The following PROS1 variants were observed in gnomAD, a reference collection of about 807,000 sequenced individuals.
The protein encoded by PROS1 is protein S, also known as vitamin K-dependent protein S.
In PROS1, 29 loss-of-function variants were observed where a neutral mutation model predicts 75.9. That is an observed-to-expected ratio of 0.38 (90% CI 0.28 to 0.52). The LOEUF (loss-of-function observed/expected upper bound fraction) is 0.52, where lower values mean the gene tolerates loss of function less well. Among genes scored for constraint, PROS1 ranks in the 20% least tolerant of loss-of-function variants. The pLI is 0.83. For synonymous variants in PROS1, 245 were observed against 280.6 expected (o/e 0.87, Z 1.27); for missense variants, 680 against 810.3 (o/e 0.84, Z 1.95).
At chr3:93,912,726 G>A (rs111257397) in intron 3 of PROS1, among the ~76,000 whole-genome samples, 57 of 152,272 alleles carry the variant, frequency 3.7e-4, no homozygotes, top group African/African-American at 1.4e-3. Flanking sequence ...CCATCCCACA[G>A]CAGATGGCAA....
intron 4 of PROS1, among the ~76,000 whole-genome samples, chr3:93,906,746 C>T (rs1343038544): frequency 6.6e-6 from 1 of 152,198 alleles, no homozygotes; most frequent in Non-Finnish European, 1.5e-5. Context: ...CCATTCTGCC[C>T]ACCACAGGCT....
intron 1 of PROS1, among the ~76,000 whole-genome samples, chr3:93,964,442 A>G (rs1283745490): frequency 6.6e-6 from 1 of 152,116 alleles, no homozygotes; most frequent in Non-Finnish European, 1.5e-5. Flanking sequence ...TGCGGTTGAG[A>G]TAAGGACTGA....
intron 9 of PROS1, among the ~76,000 whole-genome samples, chr3:93,893,474 C>T (rs1160870012): frequency 6.6e-6 from 1 of 152,078 alleles, no homozygotes; most frequent in African/African-American, 2.4e-5. Flanking sequence ...CTATATCTCT[C>T]CTGGAGCCTT....
chr3:93,973,726 GC>G lies in PROS1; in HGVS notation c.23del (p.Cys8SerfsTer10), dbSNP rs764581697. The G allele has an allele frequency of 1.2e-6, 2 of 1,613,708 alleles. No individual in the cohort carries two copies. The highest frequency in any genetic ancestry group is 8.5e-7 in the Non-Finnish European group (1 of 1,179,816). On this transcript the variant is annotated frameshift_variant, in exon 1 of 15. Transcript: ENST00000394236. LOFTEE classifies it high-confidence loss of function. MRVLGGRCGALLACLLLV... is the reference protein window; with the variant it reads MRVLGGRXGALLACLLLV... ...GGAGGAGACACGCCAGCAGCGCCCC[GC>G]AGCGCCCACCCAGGACCCTCATTTC... is the stretch of plus-strand genomic sequence containing the variant.
intron 1 of PROS1, among the ~76,000 whole-genome samples, chr3:93,963,738 C>G (rs1251884747): frequency 6.6e-6 from 1 of 152,058 alleles, no homozygotes; most frequent in Non-Finnish European, 1.5e-5. Flanking sequence ...CCAGATCTCA[C>G]GTGAACCTCT....
chr3:93,928,879 A>G, intron 1 of PROS1: 1 of 498,396 alleles, frequency 2.0e-6, no homozygotes. Flanking sequence ...AAGTGTTCAA[A>G]TCAAACTATT....
At chr3:93,934,854 T>C (rs977403731) in intron 1 of PROS1, among the ~76,000 whole-genome samples, 3 of 152,024 alleles carry the variant, frequency 2.0e-5, no homozygotes, top group African/African-American at 7.2e-5. Flanking sequence ...ATGCCTGAAC[T>C]GTTTAACAAC....
chr3:93,874,831 C>A (rs1338734550), intron 14 of PROS1, among the ~76,000 whole-genome samples: 3 of 152,066 alleles, frequency 2.0e-5, no homozygotes, highest in Admixed American at 1.3e-4. Flanking sequence ...ATCAATATAT[C>A]TCTTTTATTA....
At chr3:93,918,356 G>A (rs1708891340) in intron 3 of PROS1, among the ~76,000 whole-genome samples, 2 of 152,042 alleles carry the variant, frequency 1.3e-5, no homozygotes, top group Admixed American at 6.6e-5. Context: ...GGCTGCCCGA[G>A]CCAGCAGTGG....
chr3:93,921,980 T>C lies in PROS1; in HGVS notation c.259+2260A>G, dbSNP rs35605289. ...TTTGTTTTCTCAATTGGAAAGTTCA[T>C]GTCATTTTTTAAATTATCAAATCTG... On this transcript the variant is annotated intron_variant, in intron 3 of 14. Coordinates refer to ENST00000394236, the MANE Select transcript of PROS1 (RefSeq NM_000313.4). 5.1e-3 allele frequency among the ~76,000 whole-genome samples: 780 copies of C among 152,356 alleles called. 4 individuals carry two copies. The highest frequency in any genetic ancestry group is 9.5e-3 in the Non-Finnish European group (645 of 68,032).
intron 4 of PROS1, among the ~76,000 whole-genome samples, chr3:93,909,025 T>C (rs1346077127): frequency 6.6e-6 from 1 of 152,126 alleles, no homozygotes; most frequent in Non-Finnish European, 1.5e-5. Context: ...TGTTCAAAGT[T>C]AATGGATGGA....
intron 6 of PROS1, among the ~76,000 whole-genome samples, chr3:93,901,780 T>C (rs1708598540): frequency 6.6e-6 from 1 of 152,204 alleles, no homozygotes; most frequent in Non-Finnish European, 1.5e-5. Context: ...GACTGTATCA[T>C]TGTCAATGTC....
At chr3:93,953,449 C>T (rs1300148195) in intron 1 of PROS1, among the ~76,000 whole-genome samples, 1 of 152,120 alleles carries the variant, frequency 6.6e-6, no homozygotes, top group Non-Finnish European at 1.5e-5. Flanking sequence ...AAATGTAATC[C>T]AGCATATAAA....
chr3:93,946,501 A>T (rs1369940258), intron 1 of PROS1, among the ~76,000 whole-genome samples: 1 of 152,126 alleles, frequency 6.6e-6, no homozygotes, highest in Non-Finnish European at 1.5e-5. Flanking sequence ...AAATAATACC[A>T]CACATCTACA....
At chr3:93,964,870 AT>A (rs1160415229) in intron 1 of PROS1, among the ~76,000 whole-genome samples, 1 of 152,106 alleles carries the variant, frequency 6.6e-6, no homozygotes, top group Admixed American at 6.6e-5. Flanking sequence ...GCCAACACTT[AT>A]GGAAAATAGA....
rs189539975 is a variant in PROS1, at chr3:93,935,050, G to A, written c.77-7643C>T. On this transcript the variant is annotated intron_variant, in intron 1 of 14. Transcript: ENST00000394236. ...CTCCAAACAGCAAATATCTTTACTC[G>A]AATGATAGAATACACGGCTTTATTA... Among the ~76,000 whole-genome samples the A allele has an allele frequency of 2.8e-4, 42 of 152,080 alleles. 2 individuals are homozygous for A. The highest frequency in any genetic ancestry group is 2.3e-3 in the Admixed American group (35 of 15,272).
chr3:93,931,811 C>CA (rs1408195524), intron 1 of PROS1, among the ~76,000 whole-genome samples: 2 of 152,210 alleles, frequency 1.3e-5, no homozygotes, highest in African/African-American at 2.4e-5. Flanking sequence ...TTTGGTCTCC[C>CA]ATGACTCCCG....
At chr3:93,944,981 G>C (rs568703702) in intron 1 of PROS1, among the ~76,000 whole-genome samples, 1 of 151,658 alleles carries the variant, frequency 6.6e-6, no homozygotes, top group Admixed American at 6.6e-5. Context: ...ATGATAAAGG[G>C]GATAACACCA....
At chr3:93,879,424 T>C in intron 12 of PROS1, 110 bp from the exon 13 acceptor site, 1 of 1,392,084 alleles carries the variant, frequency 7.2e-7, no homozygotes, top group South Asian at 1.2e-5. Flanking sequence ...TGTGTAATAC[T>C]ATTTCCATTC....
Sources: gnomAD v4.1 joint callset for allele counts (sites outside exome capture counted in the v4.1 genomes callset) on GRCh38, gnomAD v4.1.1 for gene constraint, MANE v1.5 for transcripts, NCBI Gene and HGNC (gene_info 2026-07-23, HGNC 2026-07-21) for gene names.